Variants in HDAC9 observed in about 807,000 individuals in gnomAD.
HDAC9 encodes the protein MEF-2 interacting transcription repressor (MITR) protein.
Under a neutral mutation model 139.4 loss-of-function variants are expected in HDAC9, and 41 were observed. The observed-to-expected ratio is 0.29, with a 90% confidence interval of 0.23 to 0.38. The LOEUF is 0.38. Among genes scored for constraint, HDAC9 ranks in the 10% least tolerant of loss-of-function variants. The pLI is 1.00. For synonymous variants in HDAC9, 517 were observed against 476.2 expected (o/e 1.09, Z -1.12); for missense variants, 1,147 against 1,297.0 (o/e 0.88, Z 1.78).
chr7:18,884,878 C>T (rs1386267924), intron 22 of HDAC9, among the ~76,000 whole-genome samples: 1 of 152,184 alleles, frequency 6.6e-6, no homozygotes, highest in African/African-American at 2.4e-5. Flanking sequence ...CACAACAAAT[C>T]TCTCCTCCTC....
At chr7:18,367,143 T>C (rs1784246284) in intron 1 of HDAC9, among the ~76,000 whole-genome samples, 1 of 152,078 alleles carries the variant, frequency 6.6e-6, no homozygotes, top group African/African-American at 2.4e-5. Flanking sequence ...AAGGCACAGA[T>C]AAGTAAATAG....
intron 1 of HDAC9, among the ~76,000 whole-genome samples, chr7:18,347,764 ATT>A (rs199827191): frequency 2.6e-5 from 4 of 151,794 alleles, no homozygotes; most frequent in Non-Finnish European, 5.9e-5. Context: ...CGCCCGGCTA[ATT>A]TTTTGTATTT....
Position 18,293,672 on chromosome 7 carries a change from G to A in HDAC9, c.-42+3157G>A, listed in dbSNP as rs981292964. ...AACCTGTAAAGCATGGTTTAGGGTCGGAAATTTCTGTATTTGTCTGTCATT... is the reference window on the plus strand; with the variant it reads ...AACCTGTAAAGCATGGTTTAGGGTCAGAAATTTCTGTATTTGTCTGTCATT... On this transcript the variant is annotated intron_variant, in intron 1 of 3. Transcript: ENST00000413509. Among the ~76,000 whole-genome samples, 4 of 152,038 alleles carry A rather than the reference G, an allele frequency of 2.6e-5. No individual in the cohort carries two copies. The East Asian group carries it at 5.8e-4, about 22-fold the overall frequency.
chr7:18,339,799 C>T (rs537520295), intron 1 of HDAC9, among the ~76,000 whole-genome samples: 3 of 151,552 alleles, frequency 2.0e-5, no homozygotes, highest in Admixed American at 2.0e-4. Flanking sequence ...TGTGTTATTG[C>T]ACACAATGTG....
chr7:18,401,579 T>G (rs1448883000), intron 1 of HDAC9, among the ~76,000 whole-genome samples: 1 of 152,222 alleles, frequency 6.6e-6, no homozygotes, highest in African/African-American at 2.4e-5. Flanking sequence ...CCTCAATGCC[T>G]CAGCAGAACT....
At chr7:18,221,602 G>A (rs1434109302) in intron 2 of HDAC9, among the ~76,000 whole-genome samples, 3 of 152,140 alleles carry the variant, frequency 2.0e-5, no homozygotes, top group African/African-American at 7.2e-5. Context: ...TAGATGACTG[G>A]TAAGTGTTAG....
chr7:18,263,397 C>A (rs1297972857), intron 2 of HDAC9, among the ~76,000 whole-genome samples: 1 of 152,068 alleles, frequency 6.6e-6, no homozygotes, highest in Admixed American at 6.5e-5. Flanking sequence ...ATCAGGAGGG[C>A]AGGCAGGAGG....
intron 12 of HDAC9, among the ~76,000 whole-genome samples, chr7:18,722,244 A>G (rs902469518): frequency 6.6e-6 from 1 of 152,190 alleles, no homozygotes; most frequent in African/African-American, 2.4e-5. Context: ...GAATACTTTG[A>G]CTGCATAAAA....
At chr7:18,212,079 C>T (rs1158236496) in intron 2 of HDAC9, among the ~76,000 whole-genome samples, 1 of 152,168 alleles carries the variant, frequency 6.6e-6, no homozygotes, top group Non-Finnish European at 1.5e-5. Flanking sequence ...TCCAAGTCTT[C>T]ATAGCTATCT....
intron 2 of HDAC9, among the ~76,000 whole-genome samples, chr7:18,203,268 G>A (rs1791268061): frequency 1.3e-5 from 2 of 152,118 alleles, no homozygotes; most frequent in African/African-American, 2.4e-5. Flanking sequence ...GATGGTCTAC[G>A]TGAAATATGA....
chr7:18,994,592 C>T (rs1035038005), intron 25 of HDAC9, among the ~76,000 whole-genome samples: 1 of 151,950 alleles, frequency 6.6e-6, no homozygotes. Context: ...ATAATGAAGA[C>T]TTAATGATTA....
intron 2 of HDAC9, chr7:18,506,117 A>C (rs186455949): frequency 2.6e-5 from 4 of 152,358 alleles, no homozygotes; most frequent in African/African-American, 9.6e-5. Context: ...AAGTGAAACC[A>C]CAGATTCCTT....
intron 18 of HDAC9, 119 bp from the exon 19 acceptor site, chr7:18,829,342 G>A: frequency 8.9e-7 from 1 of 1,120,974 alleles, no homozygotes; most frequent in South Asian, 1.2e-5. Context: ...GGTACTCCCA[G>A]AAGCAGATTT....
intron 17 of HDAC9, among the ~76,000 whole-genome samples, chr7:18,809,171 C>A (rs923210566): frequency 6.6e-6 from 1 of 152,008 alleles, no homozygotes; most frequent in Non-Finnish European, 1.5e-5. Flanking sequence ...TCACTTAATA[C>A]TATAGACCAA....
chr7:18,118,285 T>G (rs1784142712), intron 1 of HDAC9, among the ~76,000 whole-genome samples: 1 of 152,220 alleles, frequency 6.6e-6, no homozygotes, highest in African/African-American at 2.4e-5. Context: ...ACTGGAATAT[T>G]GTCAGTCCTT....
intron 12 of HDAC9, among the ~76,000 whole-genome samples, chr7:18,686,575 A>G (rs1782289065): frequency 6.6e-6 from 1 of 151,912 alleles, no homozygotes; most frequent in South Asian, 2.1e-4. Flanking sequence ...TTATGTATTA[A>G]TGTTTTAAAG....
chr7:18,763,493 G>A (rs538213467), intron 15 of HDAC9, among the ~76,000 whole-genome samples: 8 of 151,996 alleles, frequency 5.3e-5, no homozygotes, highest in African/African-American at 1.7e-4. Flanking sequence ...GTATACTATC[G>A]AATTAACATT....
intron 2 of HDAC9, among the ~76,000 whole-genome samples, chr7:18,517,204 G>A (rs1803495291): frequency 1.3e-5 from 2 of 152,196 alleles, no homozygotes; most frequent in Admixed American, 1.3e-4. Flanking sequence ...AGGGCGTCAT[G>A]TGCTTACAGG....
At chr7:18,426,950 C>G (rs555052644) in intron 1 of HDAC9, among the ~76,000 whole-genome samples, 2 of 152,130 alleles carry the variant, frequency 1.3e-5, no homozygotes, top group African/African-American at 4.8e-5. Context: ...GGGCTGTTTT[C>G]TTTCTTTTTT....
Sources: allele counts gnomAD v4.1 joint callset (sites outside exome capture counted in the v4.1 genomes callset), GRCh38; gene constraint gnomAD v4.1.1; transcripts MANE v1.5; gene names NCBI Gene and HGNC (gene_info 2026-07-23, HGNC 2026-07-21).